ARHGAP15: variants seen among roughly 807,000 people sequenced by gnomAD.
The protein encoded by ARHGAP15 is Rho GTPase activating protein 15.
A neutral mutation model predicts 63.7 loss-of-function variants in ARHGAP15; 51 were observed. The ratio of observed to expected loss-of-function variants is 0.80; its 90% CI spans 0.64 to 1.01. The LOEUF (loss-of-function observed/expected upper bound fraction) is 1.01, where lower values mean the gene tolerates loss of function less well. Ranked by LOEUF, ARHGAP15 falls within the 50% of genes least tolerant of loss-of-function variation. The pLI, the probability that ARHGAP15 is intolerant of heterozygous loss-of-function variation, is 0.00. For missense variants in ARHGAP15, 560 were observed against 564.6 expected, an observed-to-expected ratio of 0.99 and a Z score of 0.08; for synonymous variants, 191 against 193.8, an observed-to-expected ratio of 0.99 and a Z score of 0.12.
intron 6 of ARHGAP15, among the ~76,000 whole-genome samples, chr2:143,430,835 T>C (rs570237122): frequency 6.6e-6 from 1 of 152,164 alleles, no homozygotes; most frequent in East Asian, 1.9e-4. Context: ...ACTGTAGCCA[T>C]ATTATTTAAC....
At chr2:143,154,432 C>A (rs1302502369) in intron 1 of ARHGAP15, among the ~76,000 whole-genome samples, 2 of 151,898 alleles carry the variant, frequency 1.3e-5, no homozygotes, top group Non-Finnish European at 2.9e-5. Context: ...CACTTGCCTC[C>A]TTAAAACATG....
intron 13 of ARHGAP15, among the ~76,000 whole-genome samples, chr2:143,762,771 AAAAGTGGCACTC>A (rs1277366177): frequency 1.3e-5 from 2 of 152,192 alleles, no homozygotes; most frequent in Non-Finnish European, 2.9e-5. Context: ...TCCAAGAAGA[AAAAGTGGCACTC>A]AATTTTCTCC....
intron 13 of ARHGAP15, among the ~76,000 whole-genome samples, chr2:143,728,473 A>G (rs1685385265): frequency 6.6e-6 from 1 of 152,174 alleles, no homozygotes; most frequent in South Asian, 2.1e-4. Context: ...CAAAGGGTAT[A>G]TTCACATCCA....
intron 13 of ARHGAP15, among the ~76,000 whole-genome samples, chr2:143,723,639 G>A (rs1170259292): frequency 6.6e-6 from 1 of 152,180 alleles, no homozygotes; most frequent in South Asian, 2.1e-4. Flanking sequence ...AGCACCTACT[G>A]TATGCCAGGC....
chr2:143,467,004 A>T (rs576029154), intron 8 of ARHGAP15, among the ~76,000 whole-genome samples: 1 of 152,258 alleles, frequency 6.6e-6, no homozygotes, highest in South Asian at 2.1e-4. Context: ...AAAGGAAAAA[A>T]TAAAGGAAAA....
intron 6 of ARHGAP15, among the ~76,000 whole-genome samples, chr2:143,269,246 TAA>T (rs1681150991): frequency 6.6e-6 from 1 of 152,130 alleles, no homozygotes; most frequent in African/African-American, 2.4e-5. Context: ...CGGTCAGAGA[TAA>T]AGATATAGAT....
At chr2:143,501,322 T>C (rs1449724911) in intron 9 of ARHGAP15, among the ~76,000 whole-genome samples, 2 of 152,212 alleles carry the variant, frequency 1.3e-5, no homozygotes, top group Non-Finnish European at 2.9e-5. Context: ...CTTTACAATG[T>C]TACAATGAGC....
At chr2:143,317,217 G>A (rs1476210431) in intron 6 of ARHGAP15, among the ~76,000 whole-genome samples, 1 of 152,066 alleles carries the variant, frequency 6.6e-6, no homozygotes, top group African/African-American at 2.4e-5. Context: ...GCCTATAAGA[G>A]TACCAGATAA....
At chr2:143,163,579 G>A (rs1278498236) in intron 2 of ARHGAP15, among the ~76,000 whole-genome samples, 1 of 151,824 alleles carries the variant, frequency 6.6e-6, no homozygotes, top group African/African-American at 2.4e-5. Context: ...ATATAACTCA[G>A]GACAAGCTGA....
chr2:143,218,089 T>A (rs1054917748), intron 4 of ARHGAP15, among the ~76,000 whole-genome samples: 7 of 152,038 alleles, frequency 4.6e-5, no homozygotes, highest in African/African-American at 1.7e-4. Flanking sequence ...CATGAATATG[T>A]TTTTAGGTAG....
chr2:143,697,714 T>A (rs996144654), intron 12 of ARHGAP15, among the ~76,000 whole-genome samples: 1 of 152,170 alleles, frequency 6.6e-6, no homozygotes, highest in Non-Finnish European at 1.5e-5. Context: ...ATTGTTGTCA[T>A]CCCTGAGATG....
At chr2:143,651,766 G>A (rs1406675837) in intron 12 of ARHGAP15, among the ~76,000 whole-genome samples, 1 of 152,030 alleles carries the variant, frequency 6.6e-6, no homozygotes, top group South Asian at 2.1e-4. Context: ...AAGTAGGTTT[G>A]TACAGGTATT....
intron 13 of ARHGAP15, among the ~76,000 whole-genome samples, chr2:143,719,727 A>G (rs1223219248): frequency 6.6e-6 from 1 of 152,170 alleles, no homozygotes; most frequent in African/African-American, 2.4e-5. Flanking sequence ...ATGTCCTACT[A>G]TATTTTTCTA....
chr2:143,295,743 A>G (rs1455534756), intron 6 of ARHGAP15: 1 of 151,948 alleles, frequency 6.6e-6, no homozygotes, highest in Admixed American at 6.6e-5. Flanking sequence ...ATCCATTTTT[A>G]CTTTAGAACT....
intron 13 of ARHGAP15, among the ~76,000 whole-genome samples, chr2:143,716,559 A>AG (rs1251600792): frequency 1.3e-5 from 2 of 151,834 alleles, no homozygotes; most frequent in African/African-American, 4.8e-5. Flanking sequence ...CAGCTGAAGA[A>AG]AAAAAAAATC....
chr2:143,582,956 CT>C (rs1696969262), intron 11 of ARHGAP15, among the ~76,000 whole-genome samples: 1 of 152,174 alleles, frequency 6.6e-6, no homozygotes, highest in African/African-American at 2.4e-5. Context: ...CCCAGCTTTT[CT>C]TCAGGGATAT....
intron 8 of ARHGAP15, among the ~76,000 whole-genome samples, chr2:143,450,153 C>CT (rs557420934): frequency 0.012 from 1,069 of 91,328 alleles, 12 homozygotes; most frequent in African/African-American, 0.03. Flanking sequence ...AGGTTTCATG[C>CT]TTTTTTTTTT....
intron 2 of ARHGAP15, among the ~76,000 whole-genome samples, chr2:143,191,543 T>A (rs1309700128): frequency 2.0e-5 from 3 of 152,192 alleles, no homozygotes; most frequent in Admixed American, 2.0e-4. Flanking sequence ...CCCCTTGCCC[T>A]CAAGAGTCCC....
At chr2:143,712,901 G>A (rs1684644946) in intron 13 of ARHGAP15, among the ~76,000 whole-genome samples, 2 of 152,088 alleles carry the variant, frequency 1.3e-5, no homozygotes, top group African/African-American at 2.4e-5. Flanking sequence ...GAACTAACCT[G>A]GCTTCTTCTG....
Sources: allele counts gnomAD v4.1 joint callset (sites outside exome capture counted in the v4.1 genomes callset), GRCh38; gene constraint gnomAD v4.1.1; transcripts MANE v1.5; gene names NCBI Gene and HGNC (gene_info 2026-07-23, HGNC 2026-07-21).